POU5F1B: variants seen among roughly 807,000 people sequenced by gnomAD.
POU5F1B encodes the protein POU domain, class 5, transcription factor 1B.
POU5F1B carries 24 observed loss-of-function variants against 28.1 expected under a neutral mutation model. The observed-to-expected ratio is 0.85, with a 90% CI of 0.62 to 1.20. The LOEUF is 1.20. POU5F1B is among the 50% of genes most tolerant of loss of function. POU5F1B has a pLI of 0.00. For missense variants in POU5F1B, 451 were observed against 451.5 expected (o/e 1.00, Z 0.01); for synonymous variants, 220 against 193.2 (o/e 1.14, Z -1.15).
At chr8:127,416,415 C>A in exon 3 of POU5F1B, 1 of 1,607,764 alleles carries the variant, frequency 6.2e-7, no homozygotes, top group South Asian at 1.1e-5. Context: ...GCCAAAAGAC[C>A]ATCTGCCGCT....
At chr8:127,413,837 T>C (rs1815093979) in intron 1 of POU5F1B, among the ~76,000 whole-genome samples, 1 of 146,188 alleles carries the variant, frequency 6.8e-6, no homozygotes, top group Non-Finnish European at 1.5e-5. Flanking sequence ...ACACATTTTG[T>C]GCTTCTTAAA....
exon 3 of POU5F1B, chr8:127,416,080 G>A: frequency 9.3e-6 from 15 of 1,612,806 alleles, no homozygotes; most frequent in East Asian, 2.2e-5. Flanking sequence ...GTTATGTGGG[G>A]GGATGGCGTA....
exon 3 of POU5F1B, chr8:127,416,892 A>T (rs768973800): frequency 8.7e-6 from 14 of 1,600,418 alleles, no homozygotes; most frequent in African/African-American, 8.0e-5. Context: ...CTGAGGGGGA[A>T]GTCTTTCCCC....
At chr8:127,416,670 C>G (rs1371452471) in exon 3 of POU5F1B, 2 of 1,605,030 alleles carry the variant, frequency 1.2e-6, no homozygotes, top group Non-Finnish European at 1.7e-6. Context: ...AGCTTGGGCT[C>G]GAGAAGGATG....
intron 1 of POU5F1B, among the ~76,000 whole-genome samples, chr8:127,413,709 T>G (rs1815092630): frequency 6.6e-6 from 1 of 152,230 alleles, no homozygotes; most frequent in South Asian, 2.1e-4. Context: ...GTAGCTATAC[T>G]TACCAGCTGT....
rs1344322169 is a variant in POU5F1B, at chr8:127,415,940, C to T, written c.74C>T (p.Ala25Val). 10 of 1,560,282 alleles carry T rather than the reference C, an allele frequency of 6.4e-6. No homozygotes were observed. In the African/African-American group the frequency reaches 6.8e-5, roughly 11 times the overall value. The change falls in exon 3 of 3, where the codon GCG (alanine) becomes GTG (valine). Residue 25 changes from alanine (A) to valine (V), a missense_variant. By Grantham distance (64) the Ala-to-Val change is moderately conservative. Coordinates refer to ENST00000465342, the Ensembl canonical transcript of POU5F1B. ...GGTGGGGGTGATGGGCCATGGGGGG[C>T]GGAGCCGGGCTGGGTTGATCCTCTG...
chr8:127,416,325 G>A (rs770563864), exon 3 of POU5F1B: 52 of 1,613,276 alleles, frequency 3.2e-5, no homozygotes, highest in Non-Finnish European at 4.2e-5. Context: ...CCAAGCTCCT[G>A]AAGCAGAAGA....
At chr8:127,414,729 T>C (rs1815105410) in intron 1 of POU5F1B, among the ~76,000 whole-genome samples, 1 of 152,222 alleles carries the variant, frequency 6.6e-6, no homozygotes, top group Non-Finnish European at 1.5e-5. Context: ...GCCCACCAAT[T>C]ATTTGATAGT....
At chr8:127,415,246 A>G (rs560343557) in intron 2 of POU5F1B, among the ~76,000 whole-genome samples, 3 of 152,384 alleles carry the variant, frequency 2.0e-5, no homozygotes, top group Admixed American at 6.5e-5. Context: ...TAAACAACTA[A>G]TACACCCATC....
chr8:127,416,563 A>G, exon 3 of POU5F1B: 1 of 1,606,440 alleles, frequency 6.2e-7, no homozygotes, highest in South Asian at 1.1e-5. Flanking sequence ...CCGAAAGAGA[A>G]AGCGAACCAG....
exon 3 of POU5F1B, chr8:127,415,986 C>A (rs376562387): frequency 6.9e-6 from 11 of 1,586,452 alleles, no homozygotes; most frequent in Non-Finnish European, 6.9e-6. Context: ...GCTTCCAAGG[C>A]CCTCCTGGAG....
chr8:127,414,602 G>A (rs1430741639), intron 1 of POU5F1B, among the ~76,000 whole-genome samples: 2 of 152,198 alleles, frequency 1.3e-5, no homozygotes, highest in Admixed American at 6.5e-5. Context: ...ACATTTGCCT[G>A]TCTTATTCTA....
exon 3 of POU5F1B, chr8:127,416,044 A>G: frequency 6.2e-7 from 1 of 1,607,300 alleles, no homozygotes; most frequent in Non-Finnish European, 8.5e-7. Context: ...GGTGTGGGGG[A>G]TTCCCCCTTG....
At chr8:127,414,996 G>A (rs1372638170) in exon 2 of POU5F1B, 1 of 152,248 alleles carries the variant, frequency 6.6e-6, no homozygotes, top group Non-Finnish European at 1.5e-5. Context: ...CAGCCAACAA[G>A]AAACCGGGGC....
At chr8:127,414,002 T>C (rs1007671599) in intron 1 of POU5F1B, among the ~76,000 whole-genome samples, 6 of 152,202 alleles carry the variant, frequency 3.9e-5, no homozygotes, top group Non-Finnish European at 8.8e-5. Context: ...ATGAGAAAAT[T>C]ACACACATCT....
At chr8:127,416,914 A>G (rs571772325) in exon 3 of POU5F1B, 29 of 1,601,326 alleles carry the variant, frequency 1.8e-5, no homozygotes, top group Non-Finnish European at 1.1e-5. Context: ...AGTCTCCGTC[A>G]TCACTCTGGG....
intron 1 of POU5F1B, among the ~76,000 whole-genome samples, chr8:127,413,476 C>T (rs1319656326): frequency 1.3e-5 from 2 of 152,186 alleles, no homozygotes; most frequent in African/African-American, 4.8e-5. Flanking sequence ...TATCCCAGTG[C>T]CTGGCCTGTG....
chr8:127,416,559 G>A, exon 3 of POU5F1B: 1 of 1,606,436 alleles, frequency 6.2e-7, no homozygotes, highest in Non-Finnish European at 8.5e-7. Flanking sequence ...AGGCCCGAAA[G>A]AGAAAGCGAA....
chr8:127,416,051 C>T (rs1815129502), exon 3 of POU5F1B: 3 of 1,609,304 alleles, frequency 1.9e-6, no homozygotes, highest in South Asian at 2.2e-5. Context: ...GGGATTCCCC[C>T]TTGCCCCCCG....
Sources: allele counts gnomAD v4.1 joint callset (sites outside exome capture counted in the v4.1 genomes callset), GRCh38; gene constraint gnomAD v4.1.1; transcripts MANE v1.5; gene names NCBI Gene and HGNC (gene_info 2026-07-23, HGNC 2026-07-21).